Variants in MTBP observed in about 807,000 individuals in gnomAD.
MTBP encodes the protein mdm2-binding protein.
Under a neutral mutation model 117.0 loss-of-function variants are expected in MTBP, and 101 were observed. The observed-to-expected ratio is 0.86, with a 90% CI of 0.73 to 1.02. MTBP has a LOEUF of 1.02. Among genes scored for constraint, MTBP ranks in the 50% least tolerant of loss-of-function variants. The pLI is 0.00. For synonymous variants in MTBP, 350 were observed against 351.5 expected, an observed-to-expected ratio of 1.00 and a Z score of 0.05; for missense variants, 970 against 1,030.9, an observed-to-expected ratio of 0.94 and a Z score of 0.81.
rs113559244 is a variant in MTBP, at chr8:120,518,022, C to G, written c.2418C>G (p.Thr806=). ...SCETPKLATK[T]SSGQKSMHES... is the part of the protein sequence containing the mutation. Reference sequence around the variant, plus strand: ...AAACTCCAAAACTTGCTACAAAGACCAGTTCAGGTCAAAAAAGTATGCATG... The same window carrying G: ...AAACTCCAAAACTTGCTACAAAGACGAGTTCAGGTCAAAAAAGTATGCATG... The change falls in exon 19 of 22, where the codon ACC becomes ACG. Residue 806 remains threonine (T), a synonymous_variant. Transcript: ENST00000305949. 188 of 1,612,828 alleles carry G rather than the reference C, an allele frequency of 1.2e-4. No individual in the cohort carries two copies. The African/African-American group carries it at 1.9e-3, about 16-fold the overall frequency.
chr8:120,497,693 C>T, intron 14 of MTBP, 139 bp downstream of exon 14: 2 of 584,834 alleles, frequency 3.4e-6, no homozygotes, highest in Non-Finnish European at 2.9e-6. Flanking sequence ...TATATAGATA[C>T]AAGTATGTAT....
chr8:120,522,534 C>T, intron 20 of MTBP, 120 bp from the exon 21 acceptor site: 5 of 663,612 alleles, frequency 7.5e-6, no homozygotes, highest in East Asian at 5.9e-5. Context: ...GTAGTCTGTC[C>T]CTAATCACAT....
In MTBP at chr8:120,456,590, G is replaced by A. The variant is rs1452028341; in HGVS notation, c.667G>A (p.Val223Ile). ...QKIAEYLSAN[V>I]VSLEDLRNVI... ...AATTGCAGAATACCTTTCTGCTAAT[G>A]TTGTATCTTTAGAAGATCTCAGAAA... Residue 223 changes from valine (V) to isoleucine (I), a missense_variant, in exon 7 of 22, where the codon GTT (valine) becomes ATT (isoleucine). Coordinates refer to ENST00000305949, the MANE Select transcript of MTBP (RefSeq NM_022045.5). 1.3e-6 allele frequency: 2 copies of A among 1,595,988 alleles called. No individual in the cohort carries two copies. Among genetic ancestry groups the A allele is most frequent in the Non-Finnish European group, 1.7e-6 (2 of 1,168,442 alleles).
In MTBP at chr8:120,517,960, C is replaced by T. The variant is rs148097485; in HGVS notation, c.2356C>T (p.Pro786Ser). The change falls in exon 19 of 22, where the codon CCA (proline) becomes TCA (serine). Residue 786 changes from proline to serine, a missense_variant. By Grantham distance (74) the Pro-to-Ser change is moderately conservative. Coordinates refer to ENST00000305949, the MANE Select transcript of MTBP (RefSeq NM_022045.5). ...AAAGCCACAAACAGAACGGTCCTTA[C>T]CAGTGACTTGTCCATTGGTTCCAAT... is the stretch of plus-strand genomic sequence containing the variant. The part of the protein sequence containing the change: ...SRKPQTERSL[P>S]VTCPLVPIPS... 230 of 1,612,726 alleles carry T rather than the reference C, an allele frequency of 1.4e-4. 2 individuals are homozygous for T. In the African/African-American group the frequency reaches 2.2e-3, roughly 16 times the overall value.
At chr8:120,455,631 A>C (rs1217073101) in intron 6 of MTBP, 52 bp downstream of exon 6, 2 of 1,514,842 alleles carry the variant, frequency 1.3e-6, no homozygotes, top group South Asian at 2.3e-5. Flanking sequence ...TGTTTTCACA[A>C]TTAACATACT....
intron 13 of MTBP, among the ~76,000 whole-genome samples, chr8:120,493,335 A>T (rs961439680): frequency 3.3e-5 from 5 of 152,090 alleles, no homozygotes; most frequent in African/African-American, 1.2e-4. Flanking sequence ...TGTAAACTTT[A>T]TCTGTTTTCT....
At position 120,450,290 on chromosome 8, in the gene MTBP, G is replaced by A. The variant is rs541094389; in HGVS notation, c.200-713G>A. ...TATCTTTCCTGAGAGGATGTTACAG[G>A]GATTATTACCTAATAGCTTCTATTT... On this transcript the variant is annotated intron_variant, in intron 2 of 21. Transcript: ENST00000305949. 1.8e-4 allele frequency among the ~76,000 whole-genome samples: 28 copies of A among 152,232 alleles called. No individual in the cohort carries two copies. In the South Asian group the frequency reaches 5.2e-3, roughly 28 times the overall value.
At chr8:120,501,083 C>G (rs10086229) in intron 14 of MTBP, among the ~76,000 whole-genome samples, 82,652 of 150,408 alleles carry the variant, frequency 0.55, 24,946 homozygotes, top group Non-Finnish European at 0.67. Context: ...CCCAGCTACT[C>G]TGGAGGCTGA....
At chr8:120,493,836 T>A (rs1361059096) in intron 13 of MTBP, among the ~76,000 whole-genome samples, 2 of 152,144 alleles carry the variant, frequency 1.3e-5, no homozygotes, top group Non-Finnish European at 2.9e-5. Flanking sequence ...AGGGGCTAAT[T>A]TCTGAAGCAG....
intron 10 of MTBP, among the ~76,000 whole-genome samples, chr8:120,465,655 CTTT>C (rs10663319): frequency 2.0e-5 from 2 of 101,674 alleles, no homozygotes; most frequent in African/African-American, 3.7e-5. Context: ...CTTATAGAGA[CTTT>C]TTTTTTTTTT....
At chr8:120,515,797 C>G in intron 17 of MTBP, 128 bp from the exon 18 acceptor site, 1 of 892,816 alleles carries the variant, frequency 1.1e-6, no homozygotes, top group Non-Finnish European at 1.6e-6. Context: ...GCCACTCAAC[C>G]TTCCAGCAAT....
At chr8:120,513,177 A>T (rs1563805707) in intron 17 of MTBP, among the ~76,000 whole-genome samples, 1 of 152,088 alleles carries the variant, frequency 6.6e-6, no homozygotes, top group Non-Finnish European at 1.5e-5. Flanking sequence ...TCTGACAATC[A>T]TTTGATCACA....
At chr8:120,465,553 A>T (rs1249819714) in intron 10 of MTBP, among the ~76,000 whole-genome samples, 1 of 152,156 alleles carries the variant, frequency 6.6e-6, no homozygotes, top group Non-Finnish European at 1.5e-5. Context: ...CAGTTTCCTT[A>T]AAAGTATAAA....
At chr8:120,464,094 A>C (rs1340031993) in intron 10 of MTBP, among the ~76,000 whole-genome samples, 1 of 152,060 alleles carries the variant, frequency 6.6e-6, no homozygotes, top group Non-Finnish European at 1.5e-5. Context: ...CAATTTTATG[A>C]GAAGACATTC....
chr8:120,459,437 T>C, intron 8 of MTBP, 88 bp downstream of exon 8: 1 of 1,309,964 alleles, frequency 7.6e-7, no homozygotes. Flanking sequence ...ATATTACTAA[T>C]ATATGTGCTT....
chr8:120,456,806 T>C (rs1339154951), intron 7 of MTBP, 136 bp downstream of exon 7: 1 of 636,538 alleles, frequency 1.6e-6, no homozygotes, highest in Non-Finnish European at 2.8e-6. Context: ...TCTGCAATAA[T>C]TAAATGTTCT....
Position 120,451,317 on chromosome 8 carries a change from G to A in MTBP, c.420G>A (p.Leu140=). The change falls in exon 4 of 22, where the codon TTG becomes TTA. Residue 140 remains leucine (L), a synonymous_variant. Transcript: ENST00000305949. ...GTAATAGCAGGGAATCATTATCCTT[G>A]GCTGAGTATGCTTATATGGTTTTTG... is the stretch of plus-strand genomic sequence containing the variant. ...EDSNSRESLS[L]ADLYEEAAEN... 1 of 1,611,118 alleles carries A rather than the reference G, an allele frequency of 6.2e-7. No individual in the cohort carries two copies. Among genetic ancestry groups the A allele is most frequent in the Non-Finnish European group, 8.5e-7 (1 of 1,177,770 alleles).
At chr8:120,463,528 A>G (rs1813624012) in intron 9 of MTBP, among the ~76,000 whole-genome samples, 164 bp from the exon 10 acceptor site, 1 of 152,186 alleles carries the variant, frequency 6.6e-6, no homozygotes, top group African/African-American at 2.4e-5. Flanking sequence ...ATAATTGGAA[A>G]AATACTTATC....
At chr8:120,506,356 A>G (rs1814685184) in intron 15 of MTBP, among the ~76,000 whole-genome samples, 1 of 152,122 alleles carries the variant, frequency 6.6e-6, no homozygotes. Context: ...GAGAATTTAG[A>G]TTTAAGTTTT....
Sources: allele counts gnomAD v4.1 joint callset (sites outside exome capture counted in the v4.1 genomes callset), GRCh38; gene constraint gnomAD v4.1.1; transcripts MANE v1.5; gene names NCBI Gene and HGNC (gene_info 2026-07-23, HGNC 2026-07-21).